KIF16B: variants seen among roughly 807,000 people sequenced by gnomAD.
KIF16B encodes the protein kinesin family member 16B.
A neutral mutation model predicts 156.3 loss-of-function variants in KIF16B; 98 were observed. That is an observed-to-expected ratio of 0.63 (90% CI 0.53 to 0.74). The LOEUF is 0.74. KIF16B is among the 30% of genes least tolerant of loss of function. The probability of loss-of-function intolerance (pLI) is 0.00; values close to 1 mark genes in which losing one functional copy is unlikely to be tolerated. For synonymous variants in KIF16B, 564 were observed against 583.7 expected (o/e 0.97, Z 0.49); for missense variants, 1,421 against 1,606.5 (o/e 0.88, Z 1.97).
At chr20:16,550,725 G>A (rs934319236) in intron 1 of KIF16B, among the ~76,000 whole-genome samples, 2 of 151,310 alleles carry the variant, frequency 1.3e-5, no homozygotes, top group African/African-American at 4.9e-5. Context: ...TGTAGAGACG[G>A]GTTTTCACCA....
At chr20:16,401,676 G>GC (rs1011160188) in intron 17 of KIF16B, among the ~76,000 whole-genome samples, 72 of 152,264 alleles carry the variant, frequency 4.7e-4, no homozygotes, top group African/African-American at 1.7e-3. Context: ...TCGACTGCTA[G>GC]CCCAGGCCTG....
At chr20:16,508,250 G>A in intron 6 of KIF16B, 150 bp from the exon 7 acceptor site, 1 of 857,436 alleles carries the variant, frequency 1.2e-6, no homozygotes, top group East Asian at 2.6e-5. Context: ...GGTATGTAAT[G>A]CAGACCTGGG....
chr20:16,464,689 C>T (rs1016944643), intron 12 of KIF16B, among the ~76,000 whole-genome samples: 1 of 152,154 alleles, frequency 6.6e-6, no homozygotes, highest in African/African-American at 2.4e-5. Context: ...CAGCTTATAA[C>T]AGGCATATAC....
rs769174464 is a variant in KIF16B at position 16,379,270 on chromosome 20, T to G, written c.2732A>C (p.Tyr911Ser). 6.2e-7 allele frequency: 1 copy of G among 1,613,870 alleles called. No homozygotes were observed. The highest frequency in any genetic ancestry group is 1.3e-5 in the African/African-American group (1 of 74,928). The stretch of plus-strand genomic sequence containing the variant: ...AGTTGGCAAGTGATTCTGCAGGAGG[T>G]ACTGTAGCTGGCGTTCTTTATATTG... ...RLQYKERQLQ[Y>S]LLQNHLPTLL... The change falls in exon 19 of 26, where the codon TAC (tyrosine) becomes TCC (serine). Residue 911 changes from tyrosine (Y) to serine (S), a missense_variant. Transcript: ENST00000354981.
intron 12 of KIF16B, among the ~76,000 whole-genome samples, chr20:16,490,911 G>A (rs890491004): frequency 6.6e-6 from 1 of 152,290 alleles, no homozygotes; most frequent in Admixed American, 6.5e-5. Context: ...CTGGCTCGCG[G>A]AATGATAATG....
At chr20:16,495,720 C>T (rs2068431975) in intron 11 of KIF16B, among the ~76,000 whole-genome samples, 1 of 152,090 alleles carries the variant, frequency 6.6e-6, no homozygotes, top group Non-Finnish European at 1.5e-5. Flanking sequence ...GATGGGGTCT[C>T]ACACTGTTGC....
intron 25 of KIF16B, among the ~76,000 whole-genome samples, chr20:16,290,707 C>T (rs886557713): frequency 6.6e-6 from 1 of 152,090 alleles, no homozygotes; most frequent in Non-Finnish European, 1.5e-5. Flanking sequence ...ACTGTGGCCC[C>T]GAGTGGTGGG....
chr20:16,373,117 A>G (rs1026484774), intron 20 of KIF16B, among the ~76,000 whole-genome samples: 48 of 152,354 alleles, frequency 3.2e-4, no homozygotes, highest in Admixed American at 2.5e-3. Context: ...ACTACTGACC[A>G]CAGAGAAAAG....
At chr20:16,428,815 G>A (rs979995285) in intron 14 of KIF16B, 138 bp downstream of exon 14, 16 of 684,312 alleles carry the variant, frequency 2.3e-5, no homozygotes, top group African/African-American at 1.1e-4. Flanking sequence ...ATATATATAC[G>A]TACATACTGA....
chr20:16,346,351 T>A (rs1454002384), intron 23 of KIF16B, among the ~76,000 whole-genome samples: 1 of 152,156 alleles, frequency 6.6e-6, no homozygotes, highest in Non-Finnish European at 1.5e-5. Flanking sequence ...GGGGAGCCGC[T>A]CAAATAGGAG....
chr20:16,446,808 G>A (rs1169929330), intron 12 of KIF16B, among the ~76,000 whole-genome samples: 3 of 152,162 alleles, frequency 2.0e-5, no homozygotes, highest in East Asian at 1.9e-4. Flanking sequence ...GGCACGCTAG[G>A]TCGAATTGTG....
At chr20:16,297,506 C>T (rs1010532694) in intron 25 of KIF16B, among the ~76,000 whole-genome samples, 8 of 152,066 alleles carry the variant, frequency 5.3e-5, no homozygotes, top group African/African-American at 1.9e-4. Context: ...TTCTGGCTGG[C>T]TAACACGGTG....
intron 12 of KIF16B, among the ~76,000 whole-genome samples, chr20:16,487,940 T>C (rs1436028465): frequency 6.6e-6 from 1 of 152,198 alleles, no homozygotes; most frequent in Non-Finnish European, 1.5e-5. Context: ...TAATTCCACA[T>C]AATTAAAGTC....
chr20:16,512,190 CA>C (rs1384800535), intron 5 of KIF16B, among the ~76,000 whole-genome samples: 1 of 151,980 alleles, frequency 6.6e-6, no homozygotes, highest in Non-Finnish European at 1.5e-5. Context: ...CTTCCTGTAC[CA>C]TGCTAAGTAC....
At chr20:16,482,058 T>C (rs2067996907) in intron 12 of KIF16B, among the ~76,000 whole-genome samples, 1 of 152,070 alleles carries the variant, frequency 6.6e-6, no homozygotes, top group South Asian at 2.1e-4. Flanking sequence ...AAAGGTGACA[T>C]GTAAAGTACG....
intron 17 of KIF16B, among the ~76,000 whole-genome samples, chr20:16,396,328 G>A (rs1051742586): frequency 6.6e-6 from 1 of 152,026 alleles, no homozygotes; most frequent in Non-Finnish European, 1.5e-5. Context: ...TGTCTTCCAC[G>A]AAACTTGGTC....
In KIF16B at chr20:16,462,107, G is replaced by A. The variant is rs185539515; in HGVS notation, c.1303-32125C>T. 9.8e-4 allele frequency among the ~76,000 whole-genome samples: 149 copies of A among 152,266 alleles called. 1 individual carries two copies. The Middle Eastern group carries it at 0.01, about 10-fold the overall frequency. The stretch of plus-strand genomic sequence containing the variant: ...CTACTAAAAATTAGCTGGGCATGGT[G>A]GCACACGCCTGTAGTCCCAGCTACT... On this transcript the variant is annotated intron_variant, in intron 12 of 25. Transcript: ENST00000354981.
rs75848776 is a variant in KIF16B at position 16,446,802 on chromosome 20, C to T, written c.1303-16820G>A. ...ATTTAGGCTTAAACATCAGTAGGCA[C>T]GCTAGGTCGAATTGTGAATTTCTGA... On this transcript the variant is annotated intron_variant, in intron 12 of 25. Coordinates refer to ENST00000354981, the MANE Select transcript of KIF16B (RefSeq NM_024704.5). Among the ~76,000 whole-genome samples, 1,098 of 152,266 alleles carry T rather than the reference C, an allele frequency of 7.2e-3. 19 individuals carry two copies. Among genetic ancestry groups the T allele is most frequent in the African/African-American group, 0.025 (1,051 of 41,534 alleles).
intron 24 of KIF16B, among the ~76,000 whole-genome samples, chr20:16,335,239 G>A (rs2064014992): frequency 6.6e-6 from 1 of 152,196 alleles, no homozygotes; most frequent in African/African-American, 2.4e-5. Flanking sequence ...CCTAGATAAT[G>A]CTTCCTTTAG....
Sources: allele counts gnomAD v4.1 joint callset (sites outside exome capture counted in the v4.1 genomes callset), GRCh38; gene constraint gnomAD v4.1.1; transcripts MANE v1.5; gene names NCBI Gene and HGNC (gene_info 2026-07-23, HGNC 2026-07-21).